KRT82: variants seen among roughly 807,000 people sequenced by gnomAD.
KRT82 encodes keratin, type II cuticular Hb2.
Under a neutral mutation model 48.0 loss-of-function variants are expected in KRT82, and 44 were observed. The observed-to-expected ratio is 0.92, with a 90% CI of 0.72 to 1.18. The LOEUF (loss-of-function observed/expected upper bound fraction) is 1.18, where lower values mean the gene tolerates loss of function less well. KRT82 is among the 50% of genes most tolerant of loss of function. The pLI, the probability that KRT82 is intolerant of heterozygous loss-of-function variation, is 0.00. For missense variants in KRT82, 701 were observed against 671.4 expected, an observed-to-expected ratio of 1.04 and a Z score of -0.49; for synonymous variants, 297 against 278.3, an observed-to-expected ratio of 1.07 and a Z score of -0.67.
Position 52,394,679 on chromosome 12 carries a change from C to G in KRT82, c.*296G>C. ...CAGAACTGTGGTGTGCCCATTTGAC[C>G]TTTTGGGGGTTATTGCCATTCTGCG... On this transcript the variant is annotated 3_prime_UTR_variant, in exon 9 of 9. Transcript: ENST00000257974. The G allele has an allele frequency of 1.1e-5, 5 of 466,650 alleles. No individual in the cohort carries two copies. In the South Asian group the frequency reaches 1.2e-4, roughly 11 times the overall value. 28.9% of individuals were successfully genotyped at this position (466,650 alleles called of 1,614,324 possible). A position where few individuals can be genotyped will look rare whatever the true frequency, so the allele number is the denominator to read the frequency against.
In KRT82 at chr12:52,403,816, A is replaced by C. The variant is rs1292058542; in HGVS notation, c.505T>G (p.Phe169Val). Residue 169 changes from phenylalanine to valine, a missense_variant, in exon 2 of 9, where the codon TTC becomes GTC. Physicochemically the swap from Phe to Val is conservative, Grantham distance 50. Transcript: ENST00000257974. ...CGAAGGGCGCTGATATAGCCCTCGA[A>C]GATGGGCTCGATGTTGGTCTGGCAG... is the stretch of plus-strand genomic sequence containing the variant. Reference protein sequence around the residue: ...RCCQTNIEPIFEGYISALRRQ... With the variant: ...RCCQTNIEPIVEGYISALRRQ... 1 of 1,613,800 alleles carries C rather than the reference A, an allele frequency of 6.2e-7. No individual in the cohort carries two copies. The highest frequency in any genetic ancestry group is 8.5e-7 in the Non-Finnish European group (1 of 1,179,892).
chr12:52,396,221 A>G lies in KRT82; in HGVS notation c.1080T>C (p.Leu360=). The part of the protein sequence containing the change: ...TENVKAQRCK[L]EGAIAEAEQQ... ...GCTCTGCCTCAGCTATGGCACCCTC[A>G]AGTTTGCAGCGCTGTGGGAGGGGCG... Residue 360 remains leucine, a synonymous_variant, in exon 7 of 9, where the codon CTT becomes CTC. Transcript: ENST00000257974. 1 of 1,612,788 alleles carries G rather than the reference A, an allele frequency of 6.2e-7. No homozygotes were observed. The highest frequency in any genetic ancestry group is 8.5e-7 in the Non-Finnish European group (1 of 1,179,896).
intron 8 of KRT82, 106 bp from the exon 9 acceptor site, chr12:52,395,301 C>A: frequency 1.1e-6 from 1 of 881,644 alleles, no homozygotes; most frequent in Non-Finnish European, 1.7e-6. Flanking sequence ...TGCCACTCAC[C>A]TCTACAGACA....
intron 5 of KRT82, among the ~76,000 whole-genome samples, chr12:52,398,520 A>G (rs2121473204): frequency 6.6e-6 from 1 of 151,676 alleles, no homozygotes; most frequent in South Asian, 2.1e-4. Flanking sequence ...CCTGGTAGCC[A>G]AATGCAATCT....
At position 52,394,673 on chromosome 12, in the gene KRT82, T is replaced by C. The variant is rs1189764782; in HGVS notation, c.*302A>G. 1 of 444,588 alleles carries C rather than the reference T, an allele frequency of 2.2e-6. No individual in the cohort carries two copies. The highest frequency in any genetic ancestry group is 2.0e-5 in the African/African-American group (1 of 50,680). The allele number at this position is 444,588 out of a possible 1,614,324, so 27.5% of individuals were successfully genotyped here. ...ACAGAGCAGAACTGTGGTGTGCCCA[T>C]TTGACCTTTTGGGGGTTATTGCCAT... On this transcript the variant is annotated 3_prime_UTR_variant, in exon 9 of 9. Transcript: ENST00000257974.
intron 2 of KRT82, among the ~76,000 whole-genome samples, chr12:52,402,933 AAGGCACTGGATTCCCAT>A (rs1939808278): frequency 6.6e-6 from 1 of 152,144 alleles, no homozygotes. Context: ...GGACTGTCAC[AAGGCACTGGATTCCCAT>A]GGGGCACTGG....
In KRT82 at chr12:52,405,859, C is replaced by T. The variant is rs1939845053; in HGVS notation, c.411+8G>A. The T allele has an allele frequency of 6.2e-7, 1 of 1,604,870 alleles. No individual in the cohort carries two copies. The highest frequency in any genetic ancestry group is 8.5e-7 in the Non-Finnish European group (1 of 1,174,564). On this transcript the variant is annotated splice_region_variant and intron_variant, in intron 1 of 8. Coordinates refer to ENST00000257974, the MANE Select transcript of KRT82 (RefSeq NM_033033.4). The stretch of plus-strand genomic sequence containing the variant: ...TCCTCTCACGGCCCTGGGCCACTGC[C>T]CCCTTACCTTGTTGATGAAAGATGC...
intron 8 of KRT82, 108 bp downstream of exon 8, chr12:52,395,651 G>A (rs1939702025): frequency 1.3e-6 from 1 of 766,748 alleles, no homozygotes; most frequent in South Asian, 1.8e-5. Context: ...TCTTCCTTTG[G>A]GGTAGGGGAG....
rs1939817580 is a variant in KRT82, at chr12:52,403,725, G to A, written c.596C>T (p.Ala199Val). ...RLESELCSLQAALEGYKKKYE... is the reference protein window; with the variant it reads ...RLESELCSLQVALEGYKKKYE... ...CTTTTTCTTGTAGCCCTCCAGTGCA[G>A]CCTGGAGGCTGCAGAGCTCTGACTC... The change falls in exon 2 of 9, where the codon GCT (alanine) becomes GTT (valine). Residue 199 changes from alanine (A) to valine (V), a missense_variant. Coordinates refer to ENST00000257974, the MANE Select transcript of KRT82 (RefSeq NM_033033.4). 5 of 1,611,502 alleles carry A rather than the reference G, an allele frequency of 3.1e-6. No individual in the cohort carries two copies. The highest frequency in any genetic ancestry group is 4.2e-6 in the Non-Finnish European group (5 of 1,178,370).
In KRT82 at chr12:52,394,715, A is replaced by C; in HGVS notation, c.*260T>G. 1.8e-6 allele frequency: 1 copy of C among 557,870 alleles called. No homozygotes were observed. The highest frequency in any genetic ancestry group is 2.1e-5 in the South Asian group (1 of 47,798). The allele number at this position is 557,870 out of a possible 1,614,324, so 34.6% of individuals were successfully genotyped here. On this transcript the variant is annotated 3_prime_UTR_variant, in exon 9 of 9. Coordinates refer to ENST00000257974, the MANE Select transcript of KRT82 (RefSeq NM_033033.4). ...TATTGCCATTCTGCGGTTAAGAGCA[A>C]TGCATGCTCTTTCTCTGCCGTCTGT...
chr12:52,396,615 A>G (rs1283531294), intron 6 of KRT82, among the ~76,000 whole-genome samples: 2 of 152,100 alleles, frequency 1.3e-5, no homozygotes, highest in East Asian at 3.9e-4. Flanking sequence ...TCTTTTCTAT[A>G]CTTGCACCTA....
At chr12:52,403,973 C>A in intron 1 of KRT82, 64 bp from the exon 2 acceptor site, 5 of 1,488,062 alleles carry the variant, frequency 3.4e-6, no homozygotes, top group Non-Finnish European at 4.6e-6. Context: ...TTAGAGAGGG[C>A]AATGGAATGA....
chr12:52,404,444 T>G (rs953627773), intron 1 of KRT82, among the ~76,000 whole-genome samples: 2 of 152,200 alleles, frequency 1.3e-5, no homozygotes, highest in Admixed American at 1.3e-4. Context: ...CCTACATGGC[T>G]GTATCTGAAA....
Position 52,403,924 on chromosome 12 carries a change from G to A in KRT82, c.412-15C>T. 2 of 1,611,380 alleles carry A rather than the reference G, an allele frequency of 1.2e-6. No individual in the cohort carries two copies. The highest frequency in any genetic ancestry group is 1.3e-5 in the African/African-American group (1 of 75,018). On this transcript the variant is annotated splice_polypyrimidine_tract_variant and intron_variant, in intron 1 of 8. Coordinates refer to ENST00000257974, the MANE Select transcript of KRT82 (RefSeq NM_033033.4). ...AGGAAACGGACCTGCAGCCAAGAATGGAATATCACCAGGCAGCAGAGATCC... is the reference window on the plus strand; with the variant it reads ...AGGAAACGGACCTGCAGCCAAGAATAGAATATCACCAGGCAGCAGAGATCC...
At chr12:52,404,902 A>G (rs1939832600) in intron 1 of KRT82, among the ~76,000 whole-genome samples, 1 of 152,208 alleles carries the variant, frequency 6.6e-6, no homozygotes, top group African/African-American at 2.4e-5. Context: ...TCCAAAGGCC[A>G]AGAGGTGAAT....
At chr12:52,405,302 G>A (rs910895018) in intron 1 of KRT82, among the ~76,000 whole-genome samples, 3 of 152,224 alleles carry the variant, frequency 2.0e-5, no homozygotes, top group African/African-American at 7.2e-5. Flanking sequence ...ACCTTCTGAA[G>A]GCATGCCTTC....
At chr12:52,401,156 G>T in intron 3 of KRT82, 133 bp downstream of exon 3, 1 of 670,084 alleles carries the variant, frequency 1.5e-6, no homozygotes, top group South Asian at 1.8e-5. Flanking sequence ...GGCTGGCACA[G>T]GAGTCTGAGG....
rs140057608 is a variant in KRT82, at chr12:52,396,178, G to A, written c.1123C>T (p.Leu375Phe). The part of the protein sequence containing the change: ...AEAEQQGEAA[L>F]NDAKCKLAGL... Reference sequence around the variant, plus strand: ...GCCAGCTTGCACTTGGCATCATTGAGAGCCGCCTCGCCCTGCTGCTCTGCC... The same window carrying A: ...GCCAGCTTGCACTTGGCATCATTGAAAGCCGCCTCGCCCTGCTGCTCTGCC... The change falls in exon 7 of 9, where the codon CTC becomes TTC. Residue 375 changes from leucine to phenylalanine, a missense_variant. Leu to Phe is a conservative substitution (Grantham distance 22, BLOSUM62 0). Transcript: ENST00000257974. 6.2e-7 allele frequency: 1 copy of A among 1,614,182 alleles called. No homozygotes were observed. The highest frequency in any genetic ancestry group is 8.5e-7 in the Non-Finnish European group (1 of 1,180,040).
chr12:52,398,280 C>A (rs909291741), intron 5 of KRT82, among the ~76,000 whole-genome samples: 2 of 151,876 alleles, frequency 1.3e-5, no homozygotes, highest in Non-Finnish European at 2.9e-5. Context: ...TGCTGCCAGG[C>A]GTAAGCATGT....
Sources: gnomAD v4.1 joint callset for allele counts (sites outside exome capture counted in the v4.1 genomes callset) on GRCh38, gnomAD v4.1.1 for gene constraint, MANE v1.5 for transcripts, NCBI Gene and HGNC (gene_info 2026-07-23, HGNC 2026-07-21) for gene names.